GRIA4: variants seen among roughly 807,000 people sequenced by gnomAD.
The protein encoded by GRIA4 is glutamate ionotropic receptor AMPA type subunit 4, also known as glutamate receptor 4.
A neutral mutation model predicts 104.0 loss-of-function variants in GRIA4; 34 were observed. That is an observed-to-expected ratio of 0.33 (90% CI 0.25 to 0.44). The LOEUF (loss-of-function observed/expected upper bound fraction) is 0.44. Ranked by LOEUF, GRIA4 falls within the 20% of genes least tolerant of loss-of-function variation. The pLI is 1.00. For missense variants in GRIA4, 750 were observed against 1,096.5 expected (o/e 0.68, Z 4.46); for synonymous variants, 386 against 381.9 (o/e 1.01, Z -0.13).
chr11:105,803,514 T>C (rs1942808782), intron 4 of GRIA4, among the ~76,000 whole-genome samples: 1 of 151,940 alleles, frequency 6.6e-6, no homozygotes, highest in Non-Finnish European at 1.5e-5. Flanking sequence ...TACATATTAA[T>C]GTGAAAATTA....
At chr11:105,922,451 C>T (rs1480816237) in intron 11 of GRIA4, among the ~76,000 whole-genome samples, 1 of 152,094 alleles carries the variant, frequency 6.6e-6, no homozygotes, top group African/African-American at 2.4e-5. Context: ...AGAAATTTAT[C>T]TTAAATAATT....
intron 7 of GRIA4, among the ~76,000 whole-genome samples, chr11:105,902,078 C>T (rs1036289445): frequency 6.6e-6 from 1 of 152,116 alleles, no homozygotes; most frequent in African/African-American, 2.4e-5. Context: ...CTACCCCATC[C>T]CAATCAATTG....
At chr11:105,915,056 C>A (rs1470104569) in intron 10 of GRIA4, among the ~76,000 whole-genome samples, 2 of 152,158 alleles carry the variant, frequency 1.3e-5, no homozygotes, top group African/African-American at 4.8e-5. Flanking sequence ...TGAGTATTTG[C>A]TACTCTTTTG....
chr11:105,638,817 GCTCA>G (rs999047861), intron 3 of GRIA4, among the ~76,000 whole-genome samples: 10 of 151,954 alleles, frequency 6.6e-5, no homozygotes, highest in Non-Finnish European at 4.4e-5. Context: ...AATGATCAGA[GCTCA>G]CTGTCTCTTC....
At chr11:105,877,806 C>T (rs1591385009) in intron 5 of GRIA4, among the ~76,000 whole-genome samples, 1 of 152,244 alleles carries the variant, frequency 6.6e-6, no homozygotes, top group East Asian at 1.9e-4. Flanking sequence ...TTAGCAATTC[C>T]TCTAACCTTT....
intron 4 of GRIA4, among the ~76,000 whole-genome samples, chr11:105,842,400 G>A (rs1487354203): frequency 6.6e-6 from 1 of 152,056 alleles, no homozygotes; most frequent in South Asian, 2.1e-4. Context: ...GAGGGATCTC[G>A]GGCCAAAACA....
intron 4 of GRIA4, among the ~76,000 whole-genome samples, chr11:105,794,275 A>G (rs1179166164): frequency 2.0e-5 from 3 of 151,190 alleles, no homozygotes; most frequent in Admixed American, 6.6e-5. Context: ...ATTCATGTTT[A>G]TAAACAGTCT....
intron 5 of GRIA4, among the ~76,000 whole-genome samples, chr11:105,872,940 A>AT (rs796403258): frequency 7.9e-5 from 12 of 151,520 alleles, no homozygotes; most frequent in Non-Finnish European, 1.5e-4. Context: ...ATCTTTTTTT[A>AT]TTTTTTTAAG....
chr11:105,696,430 C>T (rs1335074102), intron 3 of GRIA4, among the ~76,000 whole-genome samples: 1 of 152,006 alleles, frequency 6.6e-6, no homozygotes, highest in African/African-American at 2.4e-5. Context: ...TTTAGTGAAA[C>T]CATTTATTTT....
intron 5 of GRIA4, among the ~76,000 whole-genome samples, chr11:105,871,986 AT>A (rs1166275178): frequency 6.6e-6 from 1 of 152,128 alleles, no homozygotes; most frequent in African/African-American, 2.4e-5. Context: ...TCAGAAATGT[AT>A]GTGAAAGTTA....
chr11:105,658,021 A>G (rs1951895088), intron 3 of GRIA4, among the ~76,000 whole-genome samples: 1 of 151,646 alleles, frequency 6.6e-6, no homozygotes, highest in Non-Finnish European at 1.5e-5. Context: ...ATCAGGAAAA[A>G]TTCTCATTTT....
At chr11:105,646,432 A>G (rs1173083042) in intron 3 of GRIA4, among the ~76,000 whole-genome samples, 2 of 152,122 alleles carry the variant, frequency 1.3e-5, no homozygotes, top group Non-Finnish European at 2.9e-5. Context: ...GTCTCTACAA[A>G]TAGTTAAAAA....
intron 4 of GRIA4, among the ~76,000 whole-genome samples, chr11:105,812,493 G>A (rs920474675): frequency 6.6e-6 from 1 of 151,982 alleles, no homozygotes; most frequent in Non-Finnish European, 1.5e-5. Flanking sequence ...TGTCTTTTTA[G>A]GAAATTAACA....
chr11:105,889,054 T>C (rs992690097), intron 6 of GRIA4, among the ~76,000 whole-genome samples: 2 of 152,176 alleles, frequency 1.3e-5, no homozygotes, highest in African/African-American at 4.8e-5. Context: ...ATGACTTTTA[T>C]AGCAAATAGG....
chr11:105,697,910 C>G (rs1296913717), intron 3 of GRIA4, among the ~76,000 whole-genome samples: 2 of 152,124 alleles, frequency 1.3e-5, no homozygotes, highest in South Asian at 2.1e-4. Flanking sequence ...ATCAGCTTTT[C>G]AAAGGCATGC....
intron 9 of GRIA4, among the ~76,000 whole-genome samples, chr11:105,907,552 G>C (rs1947085849): frequency 1.3e-5 from 2 of 152,130 alleles, no homozygotes; most frequent in Admixed American, 1.3e-4. Flanking sequence ...CTGATAGAGA[G>C]TCTCATTAAG....
intron 14 of GRIA4, among the ~76,000 whole-genome samples, chr11:105,934,573 G>C (rs2564915): frequency 0.023 from 3,481 of 152,222 alleles, 60 homozygotes; most frequent in Middle Eastern, 0.034. Context: ...CTATTTTAAA[G>C]GGAGTGTGGT....
At chr11:105,726,274 G>T (rs1261683720) in intron 3 of GRIA4, among the ~76,000 whole-genome samples, 1 of 152,080 alleles carries the variant, frequency 6.6e-6, no homozygotes. Flanking sequence ...CAAACCCTCT[G>T]GGAAGTACAA....
intron 3 of GRIA4, among the ~76,000 whole-genome samples, chr11:105,644,853 A>C (rs942111320): frequency 2.6e-5 from 4 of 152,176 alleles, no homozygotes; most frequent in African/African-American, 7.2e-5. Context: ...ATAAATAGTA[A>C]TCTTTAATAT....
Sources: allele counts gnomAD v4.1 joint callset (sites outside exome capture counted in the v4.1 genomes callset), GRCh38; gene constraint gnomAD v4.1.1; transcripts MANE v1.5; gene names NCBI Gene and HGNC (gene_info 2026-07-23, HGNC 2026-07-21).